TTBK2: variants seen among roughly 807,000 people sequenced by gnomAD.
TTBK2 encodes tau-tubulin kinase 2.
A neutral mutation model predicts 110.8 loss-of-function variants in TTBK2; 28 were observed. The observed-to-expected ratio is 0.25, with a 90% CI of 0.19 to 0.35. TTBK2 has a LOEUF of 0.35. TTBK2 is among the 10% of genes least tolerant of loss of function. The pLI is 1.00. For synonymous variants in TTBK2, 532 were observed against 527.3 expected (o/e 1.01, Z -0.12); for missense variants, 1,369 against 1,500.3 (o/e 0.91, Z 1.45).
At chr15:42,864,276 A>C (rs1894273393) in intron 3 of TTBK2, among the ~76,000 whole-genome samples, 1 of 152,172 alleles carries the variant, frequency 6.6e-6, no homozygotes, top group African/African-American at 2.4e-5. Context: ...GCAAAGGACA[A>C]AGTGAAATAT....
At chr15:42,876,437 G>A (rs1390605917) in intron 2 of TTBK2, among the ~76,000 whole-genome samples, 1 of 152,050 alleles carries the variant, frequency 6.6e-6, no homozygotes, top group African/African-American at 2.4e-5. Context: ...TCTCACCAAA[G>A]CAACACTCAT....
chr15:42,746,350 A>T (rs1446906949), intron 14 of TTBK2, 93 bp from the exon 15 acceptor site: 2 of 981,058 alleles, frequency 2.0e-6, no homozygotes, highest in South Asian at 1.5e-5. Context: ...GTGAATGTGT[A>T]GAAATCAGAA....
chr15:42,912,988 G>A (rs1029173696), intron 1 of TTBK2, among the ~76,000 whole-genome samples: 3 of 150,618 alleles, frequency 2.0e-5, no homozygotes, highest in African/African-American at 4.9e-5. Flanking sequence ...AGCCGGGCGC[G>A]GTGGCGGGCG....
chr15:42,801,591 G>T, intron 9 of TTBK2: 1 of 778,054 alleles, frequency 1.3e-6, no homozygotes, highest in Non-Finnish European at 2.4e-6. Context: ...GCCTCAGCCT[G>T]GCTGCGGTTG....
At chr15:42,799,669 C>A (rs1014470166) in intron 9 of TTBK2, among the ~76,000 whole-genome samples, 6 of 152,088 alleles carry the variant, frequency 3.9e-5, no homozygotes, top group African/African-American at 1.4e-4. Flanking sequence ...CTCCTGACCT[C>A]AAGTGATCCT....
chr15:42,783,542 G>A lies in TTBK2; in HGVS notation c.1074C>T (p.Gly358=), dbSNP rs747510066. 6 of 1,614,110 alleles carry A rather than the reference G, an allele frequency of 3.7e-6. No homozygotes were observed. The South Asian group carries it at 5.5e-5, about 15-fold the overall frequency. Residue 358 remains glycine (G), a synonymous_variant, in exon 11 of 15, where the codon GGC becomes GGT. Transcript: ENST00000267890. ...TATCTGGTGACACACCAACAGGGAT[G>A]CCATTTTCTCCATCGCTAAGCTGTT... The part of the protein sequence containing the change: ...PDEQLSDGEN[G]IPVGVSPDKL...
chr15:42,892,879 G>A lies in TTBK2; in HGVS notation c.-67-14195C>T, dbSNP rs571146011. Among the ~76,000 whole-genome samples the A allele has an allele frequency of 2.4e-4, 37 of 151,664 alleles. 2 individuals are homozygous for A. In the East Asian group the frequency reaches 6.8e-3, roughly 28 times the overall value. Reference sequence around the variant, plus strand: ...ACAAAAATTAGCCAGGTGTGGTGGTGTGTGCCTGCAATCCCAGCTACCTGG... The same window carrying A: ...ACAAAAATTAGCCAGGTGTGGTGGTATGTGCCTGCAATCCCAGCTACCTGG... On this transcript the variant is annotated intron_variant, in intron 1 of 14. Transcript: ENST00000267890.
chr15:42,869,897 C>G (rs185129886), intron 3 of TTBK2, among the ~76,000 whole-genome samples: 66 of 152,232 alleles, frequency 4.3e-4, no homozygotes, highest in Non-Finnish European at 8.7e-4. Flanking sequence ...AGAGTCTTGG[C>G]CAGGTGTAGT....
At chr15:42,759,744 A>G (rs2061998125) in intron 13 of TTBK2, among the ~76,000 whole-genome samples, 1 of 152,206 alleles carries the variant, frequency 6.6e-6, no homozygotes, top group Non-Finnish European at 1.5e-5. Flanking sequence ...CACCCAACTG[A>G]TACCCCAAGA....
intron 14 of TTBK2, among the ~76,000 whole-genome samples, chr15:42,750,630 A>G (rs181925023): frequency 6.6e-6 from 1 of 152,194 alleles, no homozygotes; most frequent in African/African-American, 2.4e-5. Context: ...GCCATCAAGC[A>G]GACTTGCATG....
intron 13 of TTBK2, among the ~76,000 whole-genome samples, chr15:42,767,675 C>T (rs769891917): frequency 3.3e-5 from 5 of 152,144 alleles, no homozygotes; most frequent in African/African-American, 4.8e-5. Flanking sequence ...CCATATTCTA[C>T]CAGAGGTACA....
At position 42,775,292 on chromosome 15, in the gene TTBK2, G is replaced by A; in HGVS notation, c.1841C>T (p.Ser614Leu). 2 of 1,614,160 alleles carry A rather than the reference G, an allele frequency of 1.2e-6. No individual in the cohort carries two copies. Among genetic ancestry groups the A allele is most frequent in the Non-Finnish European group, 8.5e-7 (1 of 1,180,028 alleles). Residue 614 changes from serine to leucine, a missense_variant, in exon 13 of 15, where the codon TCA (serine) becomes TTA (leucine). Physicochemically the swap from Ser to Leu is moderately radical, Grantham distance 145. Around this residue, in one of 4 missense-constraint regions of TTBK2, gnomAD observed 1,097 missense variants for 1,114.7 expected, o/e 0.98. Coordinates refer to ENST00000267890, the MANE Select transcript of TTBK2 (RefSeq NM_173500.4). ...AENDHLKKETSGVVLALSAEG... is the reference protein window; with the variant it reads ...AENDHLKKETLGVVLALSAEG... ...TGCAGAAAGTGCTAAGACCACACCT[G>A]AGGTTTCCTTCTTTAAATGATCATT...
chr15:42,898,887 G>A (rs1443823958), intron 1 of TTBK2, among the ~76,000 whole-genome samples: 1 of 152,178 alleles, frequency 6.6e-6, no homozygotes. Context: ...GAAGCCAGAA[G>A]ACTCCTTTTT....
chr15:42,783,579 A>G lies in TTBK2; in HGVS notation c.1037T>C (p.Val346Ala). The change falls in exon 11 of 15, where the codon GTA becomes GCA. Residue 346 changes from valine to alanine, a missense_variant. By Grantham distance (64) the Val-to-Ala change is moderately conservative (BLOSUM62 0). Around this residue, in one of 4 missense-constraint regions of TTBK2, gnomAD observed 1,097 missense variants for 1,114.7 expected, o/e 0.98. Coordinates refer to ENST00000267890, the MANE Select transcript of TTBK2 (RefSeq NM_173500.4). ...ATCGCTAAGCTGTTCATCTGGAAATACCTCATCTGTATTTTCTCGAAGCAA... is the reference window on the plus strand; with the variant it reads ...ATCGCTAAGCTGTTCATCTGGAAATGCCTCATCTGTATTTTCTCGAAGCAA... ...GDLLRENTDE[V>A]FPDEQLSDGE... 6.2e-7 allele frequency: 1 copy of G among 1,614,060 alleles called. No homozygotes were observed. Among genetic ancestry groups the G allele is most frequent in the East Asian group, 2.2e-5 (1 of 44,880 alleles).
intron 1 of TTBK2, among the ~76,000 whole-genome samples, chr15:42,899,236 G>A (rs929693363): frequency 6.6e-6 from 1 of 151,856 alleles, no homozygotes; most frequent in African/African-American, 2.4e-5. Context: ...GAGCTCAAGT[G>A]ATCTGCCTGC....
intron 13 of TTBK2, among the ~76,000 whole-genome samples, chr15:42,771,509 T>C (rs543791264): frequency 2.0e-5 from 3 of 152,306 alleles, no homozygotes; most frequent in Admixed American, 6.5e-5. Flanking sequence ...CCCTGAAGTA[T>C]AGCGTAAAGC....
At chr15:42,909,072 C>T (rs2030590753) in intron 1 of TTBK2, among the ~76,000 whole-genome samples, 1 of 152,114 alleles carries the variant, frequency 6.6e-6, no homozygotes, top group South Asian at 2.1e-4. Flanking sequence ...ATTTCCTTAC[C>T]TTTTCTAGCT....
chr15:42,882,608 C>T (rs558738017), intron 1 of TTBK2, among the ~76,000 whole-genome samples: 53 of 151,920 alleles, frequency 3.5e-4, no homozygotes, highest in South Asian at 2.5e-3. Flanking sequence ...AGTGAGACTT[C>T]ATCTCAAAAT....
At position 42,783,516 on chromosome 15, in the gene TTBK2, T is replaced by A. The variant is rs764753481; in HGVS notation, c.1100A>T (p.Lys367Ile). ...NGIPVGVSPD[K>I]LPGSLGHPRP... is the part of the protein sequence containing the mutation. ...GGGGTGTCCCAGAGATCCAGGCAAT[T>A]TATCTGGTGACACACCAACAGGGAT... The change falls in exon 11 of 15, where the codon AAA (lysine) becomes ATA (isoleucine). Residue 367 changes from lysine (K) to isoleucine (I), a missense_variant. By Grantham distance (102) the Lys-to-Ile change is moderately radical. Coordinates refer to ENST00000267890, the MANE Select transcript of TTBK2 (RefSeq NM_173500.4). 154 of 1,614,198 alleles carry A rather than the reference T, an allele frequency of 9.5e-5. No homozygotes were observed. The highest frequency in any genetic ancestry group is 6.6e-4 in the Middle Eastern group (4 of 6,062).
Sources: gnomAD v4.1 joint callset for allele counts (sites outside exome capture counted in the v4.1 genomes callset) on GRCh38, gnomAD v4.1.1 for gene constraint, gnomAD v4.1.1 regional missense constraint, MANE v1.5 for transcripts, NCBI Gene and HGNC (gene_info 2026-07-23, HGNC 2026-07-21) for gene names.